The following PLCH1 variants were observed in gnomAD, a reference collection of about 807,000 sequenced individuals.
PLCH1 encodes 1-phosphatidylinositol 4,5-bisphosphate phosphodiesterase eta-1.
PLCH1 carries 60 observed loss-of-function variants against 126.7 expected under a neutral mutation model. The ratio of observed to expected loss-of-function variants is 0.47; its 90% CI spans 0.38 to 0.59. The LOEUF (loss-of-function observed/expected upper bound fraction) is 0.59, where lower values mean the gene tolerates loss of function less well. Ranked by LOEUF, PLCH1 falls within the 20% of genes least tolerant of loss-of-function variation. The pLI is 0.00. For synonymous variants in PLCH1, 719 were observed against 734.9 expected, an observed-to-expected ratio of 0.98 and a Z score of 0.35; for missense variants, 1,723 against 2,040.0, an observed-to-expected ratio of 0.84 and a Z score of 2.99.
Position 155,737,027 on chromosome 3 carries a change from C to T in PLCH1, c.-41+7813G>A, listed in dbSNP as rs531008158. ...GCTGGATTGCCTGAGCTCAGGAGTT[C>T]GAGACCAGCCTGGGCAACACGGTGA... is the stretch of plus-strand genomic sequence containing the variant. On this transcript the variant is annotated intron_variant, in intron 1 of 22. Transcript: ENST00000460012. Among the ~76,000 whole-genome samples the T allele has an allele frequency of 7.2e-5, 11 of 151,768 alleles. No homozygotes were observed. The East Asian group carries it at 2.2e-3, about 30-fold the overall frequency.
intron 2 of PLCH1, among the ~76,000 whole-genome samples, chr3:155,703,596 C>A (rs886353757): frequency 2.0e-5 from 3 of 152,186 alleles, no homozygotes; most frequent in Non-Finnish European, 4.4e-5. Context: ...CTGATAGTAA[C>A]GGTTTAGTGC....
chr3:155,697,193 C>A (rs1000646040), intron 2 of PLCH1, among the ~76,000 whole-genome samples: 4 of 152,110 alleles, frequency 2.6e-5, no homozygotes, highest in Non-Finnish European at 5.9e-5. Context: ...TTGCTTGGGT[C>A]TGATCAATCC....
At chr3:155,598,312 G>A (rs1733251661) in intron 2 of PLCH1, among the ~76,000 whole-genome samples, 1 of 152,142 alleles carries the variant, frequency 6.6e-6, no homozygotes, top group Admixed American at 6.5e-5. Context: ...CACTCTTTTA[G>A]GCAATGAAAG....
At chr3:155,724,813 TTG>T (rs60805589) in intron 1 of PLCH1, among the ~76,000 whole-genome samples, 18,475 of 139,812 alleles carry the variant, frequency 0.13, 1,197 homozygotes, top group African/African-American at 0.19. Context: ...TTGGGGGGTT[TTG>T]TGTGTGTGTG....
intron 10 of PLCH1, among the ~76,000 whole-genome samples, chr3:155,526,928 T>C (rs1722030532): frequency 6.6e-6 from 1 of 152,182 alleles, no homozygotes; most frequent in African/African-American, 2.4e-5. Context: ...AGCACAGAGA[T>C]AGTGGCTTTC....
chr3:155,727,896 CT>C (rs63042562), intron 1 of PLCH1, among the ~76,000 whole-genome samples: 16,573 of 146,864 alleles, frequency 0.11, 1,377 homozygotes, highest in East Asian at 0.39. Flanking sequence ...GATTTTGTTT[CT>C]TTTTTTTTTT....
intron 9 of PLCH1, among the ~76,000 whole-genome samples, chr3:155,553,560 C>CA (rs140605874): frequency 1.3e-4 from 20 of 150,596 alleles, no homozygotes; most frequent in Admixed American, 2.6e-4. Flanking sequence ...GACTGCAGTA[C>CA]AAAAAAAAGA....
chr3:155,707,159 A>G (rs1304614571), intron 1 of PLCH1, among the ~76,000 whole-genome samples: 1 of 152,182 alleles, frequency 6.6e-6, no homozygotes, highest in African/African-American at 2.4e-5. Context: ...AAATCTGCCA[A>G]TGCCTTGATC....
chr3:155,697,980 G>C (rs1264404152), intron 2 of PLCH1, among the ~76,000 whole-genome samples: 1 of 152,160 alleles, frequency 6.6e-6, no homozygotes, highest in Non-Finnish European at 1.5e-5. Flanking sequence ...TCCTTCAAGG[G>C]GAAGGAGTAT....
chr3:155,596,299 G>A lies in PLCH1; in HGVS notation c.159C>T (p.Leu53=). 6.2e-7 allele frequency: 1 copy of A among 1,613,672 alleles called. No homozygotes were observed. Among genetic ancestry groups the A allele is most frequent in the Middle Eastern group, 1.7e-4 (1 of 6,060 alleles). The change falls in exon 3 of 23, where the codon CTC becomes CTT. Residue 53 remains leucine (L), a synonymous_variant. Coordinates refer to ENST00000460012, the MANE Select transcript of PLCH1 (RefSeq NM_014996.4). ...LKRGTKGLVR[L]FYLDEHRTRL... is the part of the protein sequence containing the mutation. ...GTGTCCGGTGCTCATCCAGGTAAAA[G>A]AGGCGGACAAGCCCTTTGGTTCCAC... is the stretch of plus-strand genomic sequence containing the variant.
intron 2 of PLCH1, among the ~76,000 whole-genome samples, chr3:155,606,154 T>C (rs1734326768): frequency 6.6e-6 from 1 of 152,228 alleles, no homozygotes; most frequent in African/African-American, 2.4e-5. Context: ...TTTTTTCTTC[T>C]TGAATCTTGT....
intron 10 of PLCH1, among the ~76,000 whole-genome samples, chr3:155,536,739 G>A (rs2108361719): frequency 6.6e-6 from 1 of 152,222 alleles, no homozygotes; most frequent in South Asian, 2.1e-4. Context: ...CTCACAGTGT[G>A]GAAAACCTAT....
intron 10 of PLCH1, among the ~76,000 whole-genome samples, chr3:155,529,880 C>T (rs551427704): frequency 1.3e-5 from 2 of 152,250 alleles, no homozygotes; most frequent in East Asian, 3.9e-4. Context: ...GATTCTCCTG[C>T]CTCAGCCTCC....
At chr3:155,722,025 CA>C (rs1181971829) in intron 1 of PLCH1, among the ~76,000 whole-genome samples, 7 of 151,902 alleles carry the variant, frequency 4.6e-5, no homozygotes, top group Non-Finnish European at 5.9e-5. Flanking sequence ...GCAGCCTGGG[CA>C]AAAGAGTGAG....
chr3:155,730,016 A>G (rs911578799), intron 1 of PLCH1, among the ~76,000 whole-genome samples: 1 of 152,204 alleles, frequency 6.6e-6, no homozygotes, highest in Admixed American at 6.5e-5. Context: ...AGTCATAATA[A>G]AAATTATAGT....
rs540486756 is a variant in PLCH1 at position 155,700,387 on chromosome 3, CATAA to C, written c.79+3755_79+3758del. Among the ~76,000 whole-genome samples, 696 of 152,286 alleles carry C rather than the reference CATAA, an allele frequency of 4.6e-3. 2 individuals carry two copies. Among genetic ancestry groups the C allele is most frequent in the Middle Eastern group, 0.01 (3 of 294 alleles). ...GGCAACTTCTTGAAAAGGCATACTGCATAAATATTTAATAAGAGAATTACCCTTA... is the reference window on the plus strand; with the variant it reads ...GGCAACTTCTTGAAAAGGCATACTGCATATTTAATAAGAGAATTACCCTTA... On this transcript the variant is annotated intron_variant, in intron 2 of 22. Coordinates refer to ENST00000460012, the MANE Select transcript of PLCH1 (RefSeq NM_014996.4).
chr3:155,601,718 G>T (rs945446833), intron 2 of PLCH1, among the ~76,000 whole-genome samples: 22 of 152,088 alleles, frequency 1.4e-4, no homozygotes, highest in African/African-American at 5.3e-4. Flanking sequence ...TTTTACTGAG[G>T]TGTCATTGAT....
At chr3:155,593,857 A>G in intron 4 of PLCH1, 84 bp downstream of exon 4, 2 of 1,362,598 alleles carry the variant, frequency 1.5e-6, no homozygotes, top group Non-Finnish European at 2.0e-6. Flanking sequence ...AAATTAAAAC[A>G]TAGTCTAATC....
intron 11 of PLCH1, among the ~76,000 whole-genome samples, chr3:155,523,253 G>A (rs1276861807): frequency 6.6e-6 from 1 of 152,170 alleles, no homozygotes; most frequent in Non-Finnish European, 1.5e-5. Flanking sequence ...TGGGATTACA[G>A]GCGTGAGCCA....
Sources: allele counts gnomAD v4.1 joint callset (sites outside exome capture counted in the v4.1 genomes callset), GRCh38; gene constraint gnomAD v4.1.1; transcripts MANE v1.5; gene names NCBI Gene and HGNC (gene_info 2026-07-23, HGNC 2026-07-21).